The following CNBD1 variants were observed in gnomAD, a reference collection of about 807,000 sequenced individuals.
The protein encoded by CNBD1 is cyclic nucleotide binding domain containing 1.
CNBD1 carries 71 observed loss-of-function variants against 54.4 expected under a neutral mutation model. The observed-to-expected ratio is 1.30, with a 90% confidence interval of 1.08 to 1.59. CNBD1 has a LOEUF of 1.59. Among genes scored for constraint, CNBD1 ranks in the 40% most tolerant of loss-of-function variants. The pLI is 0.00. For missense variants in CNBD1, 659 were observed against 518.0 expected (o/e 1.27, Z -2.64); for synonymous variants, 182 against 170.7 (o/e 1.07, Z -0.51).
intron 7 of CNBD1, 115 bp downstream of exon 7, chr8:87,284,930 CCTA>C: frequency 1.4e-6 from 1 of 736,732 alleles, no homozygotes; most frequent in Admixed American, 3.3e-5. Flanking sequence ...TTTAATTTAA[CCTA>C]GAGACCATAA....
At chr8:87,225,513 T>G (rs1050307610) in intron 5 of CNBD1, among the ~76,000 whole-genome samples, 1 of 150,688 alleles carries the variant, frequency 6.6e-6, no homozygotes, top group African/African-American at 2.4e-5. Context: ...GGTTTTTGTC[T>G]TTGGTTCTGT....
chr8:87,210,277 G>A (rs1265885114), intron 5 of CNBD1, among the ~76,000 whole-genome samples: 2 of 152,210 alleles, frequency 1.3e-5, no homozygotes, highest in African/African-American at 2.4e-5. Flanking sequence ...GAGCATGAGA[G>A]TTTTGAAAAT....
chr8:87,179,691 T>C (rs1435645415), intron 4 of CNBD1, among the ~76,000 whole-genome samples: 1 of 152,176 alleles, frequency 6.6e-6, no homozygotes, highest in Non-Finnish European at 1.5e-5. Flanking sequence ...ACTCCTTATA[T>C]TGGAGTTGTC....
intron 4 of CNBD1, among the ~76,000 whole-genome samples, chr8:86,962,560 C>T (rs779346389): frequency 6.6e-6 from 1 of 151,986 alleles, no homozygotes; most frequent in Non-Finnish European, 1.5e-5. Context: ...CTGAGGCGGG[C>T]ACATCACGAG....
At chr8:86,912,600 A>G (rs566070031) in intron 3 of CNBD1, among the ~76,000 whole-genome samples, 42 of 152,356 alleles carry the variant, frequency 2.8e-4, no homozygotes, top group Admixed American at 7.2e-4. Context: ...AGCACACACA[A>G]TTATGTATAG....
rs760325520 is a variant in CNBD1, at chr8:86,905,065, C to T, written c.159-16C>T. On this transcript the variant is annotated splice_polypyrimidine_tract_variant and intron_variant, in intron 2 of 10. Coordinates refer to ENST00000518476, the MANE Select transcript of CNBD1 (RefSeq NM_173538.3). ...TCCTATGACACTTACAATTTAATTT[C>T]TCTCTTCTTTTTAAGCCGGAGTATG... The T allele has an allele frequency of 4.7e-5, 71 of 1,504,134 alleles. No individual in the cohort carries two copies. Among genetic ancestry groups the T allele is most frequent in the Non-Finnish European group, 6.2e-5 (67 of 1,088,018 alleles). 93.2% of individuals were successfully genotyped at this position (1,504,134 alleles called of 1,614,324 possible).
At chr8:87,040,846 T>G (rs1330118843) in intron 4 of CNBD1, among the ~76,000 whole-genome samples, 1 of 151,518 alleles carries the variant, frequency 6.6e-6, no homozygotes, top group Non-Finnish European at 1.5e-5. Flanking sequence ...ATAAAGCTTT[T>G]AAATTTTCTA....
downstream of CNBD1, among the ~76,000 whole-genome samples, chr8:87,387,726 GAACTC>G (rs535570852): frequency 1.5e-4 from 23 of 152,186 alleles, 1 homozygote; most frequent in East Asian, 4.4e-3. Context: ...GGATATCCAG[GAACTC>G]AACTCAACTC....
At chr8:87,112,345 T>G (rs181050658) in intron 4 of CNBD1, among the ~76,000 whole-genome samples, 264 of 152,288 alleles carry the variant, frequency 1.7e-3, no homozygotes, top group Non-Finnish European at 1.6e-3. Context: ...AAGGCCTTGA[T>G]TTTGTCATGT....
chr8:87,240,272 G>T (rs766576542), intron 6 of CNBD1, among the ~76,000 whole-genome samples: 30 of 152,176 alleles, frequency 2.0e-4, no homozygotes, highest in Non-Finnish European at 3.4e-4. Context: ...ATTATTAAAA[G>T]AACTTTCTAG....
intron 4 of CNBD1, among the ~76,000 whole-genome samples, chr8:87,135,426 T>C (rs1368790159): frequency 6.6e-6 from 1 of 151,550 alleles, no homozygotes; most frequent in Non-Finnish European, 1.5e-5. Context: ...CATGTAGATA[T>C]TGCTTTAGCA....
At chr8:87,011,407 G>A (rs566556417) in intron 4 of CNBD1, among the ~76,000 whole-genome samples, 1 of 152,060 alleles carries the variant, frequency 6.6e-6, no homozygotes, top group Admixed American at 6.5e-5. Flanking sequence ...TTGACCCATT[G>A]TCTATCTTGG....
intron 4 of CNBD1, among the ~76,000 whole-genome samples, chr8:87,082,663 G>A (rs1181017420): frequency 1.3e-5 from 2 of 152,054 alleles, no homozygotes; most frequent in Non-Finnish European, 2.9e-5. Flanking sequence ...CTGTGTGTGT[G>A]TGTGTGTGTG....
chr8:87,202,509 G>A (rs993731671), intron 4 of CNBD1, among the ~76,000 whole-genome samples: 2 of 152,118 alleles, frequency 1.3e-5, no homozygotes, highest in African/African-American at 4.8e-5. Context: ...TTACTGTGAA[G>A]GAATAAGCAA....
At chr8:87,227,234 A>G (rs1814522132) in intron 5 of CNBD1, among the ~76,000 whole-genome samples, 2 of 150,750 alleles carry the variant, frequency 1.3e-5, no homozygotes, top group South Asian at 2.1e-4. Flanking sequence ...CATTTAGTCC[A>G]TTTACATTTA....
intron 4 of CNBD1, among the ~76,000 whole-genome samples, chr8:87,189,939 G>A (rs962324817): frequency 6.6e-6 from 1 of 152,104 alleles, no homozygotes; most frequent in Admixed American, 6.5e-5. Flanking sequence ...TTTACAGTAG[G>A]TTGCTTGAAA....
intron 4 of CNBD1, among the ~76,000 whole-genome samples, chr8:87,111,787 C>T (rs188676876): frequency 1.3e-5 from 2 of 152,068 alleles, no homozygotes; most frequent in African/African-American, 2.4e-5. Context: ...AGGACACCCC[C>T]CTCCCGCCCC....
intron 4 of CNBD1, among the ~76,000 whole-genome samples, chr8:87,033,492 C>T (rs1394667642): frequency 6.6e-6 from 1 of 152,138 alleles, no homozygotes; most frequent in East Asian, 1.9e-4. Flanking sequence ...TTTGTACAAC[C>T]AGGACTGGTA....
At chr8:87,103,766 G>A (rs1014715679) in intron 4 of CNBD1, among the ~76,000 whole-genome samples, 1 of 152,076 alleles carries the variant, frequency 6.6e-6, no homozygotes, top group African/African-American at 2.4e-5. Context: ...ATGAGTTTTG[G>A]GTGGGGACAC....
Sources: allele counts gnomAD v4.1 joint callset (sites outside exome capture counted in the v4.1 genomes callset), GRCh38; gene constraint gnomAD v4.1.1; transcripts MANE v1.5; gene names NCBI Gene and HGNC (gene_info 2026-07-23, HGNC 2026-07-21).